Variants in WWC2 observed in about 807,000 individuals in gnomAD.
WWC2 encodes the protein WW and C2 domain containing 2, also known as protein WWC2.
Under a neutral mutation model 138.5 loss-of-function variants are expected in WWC2, and 101 were observed. The observed-to-expected ratio is 0.73, with a 90% CI of 0.62 to 0.86. The LOEUF is 0.86. WWC2 is among the 40% of genes least tolerant of loss of function. The pLI, the probability that WWC2 is intolerant of heterozygous loss-of-function variation, is 0.00. For synonymous variants in WWC2, 558 were observed against 538.4 expected (o/e 1.04, Z -0.50); for missense variants, 1,420 against 1,419.4 (o/e 1.00, Z -0.01).
At chr4:183,268,863 A>G in intron 14 of WWC2, 108 bp from the exon 15 acceptor site, 1 of 1,187,256 alleles carries the variant, frequency 8.4e-7, no homozygotes, top group Non-Finnish European at 1.2e-6. Context: ...TTGATCTTGA[A>G]CTCCACGATC....
At chr4:183,129,988 C>G (rs977980804) in intron 1 of WWC2, among the ~76,000 whole-genome samples, 2 of 151,946 alleles carry the variant, frequency 1.3e-5, no homozygotes, top group Admixed American at 6.6e-5. Flanking sequence ...AGCACCTGCC[C>G]TTGTTTTGCC....
intron 2 of WWC2, among the ~76,000 whole-genome samples, chr4:183,207,089 CA>C (rs1253515162): frequency 6.6e-6 from 1 of 152,128 alleles, no homozygotes; most frequent in Non-Finnish European, 1.5e-5. Context: ...AATGCTGTTG[CA>C]GAACACTGGT....
At chr4:183,199,345 C>T (rs970868787) in intron 2 of WWC2, among the ~76,000 whole-genome samples, 5 of 152,142 alleles carry the variant, frequency 3.3e-5, no homozygotes, top group East Asian at 1.9e-4. Flanking sequence ...TCTTTTCAGC[C>T]AGAAGAAACG....
At chr4:183,216,306 C>T (rs73870367) in intron 4 of WWC2, among the ~76,000 whole-genome samples, 2,896 of 152,258 alleles carry the variant, frequency 0.019, 93 homozygotes, top group African/African-American at 0.067. Flanking sequence ...AGAATTTTAG[C>T]TCCTTCAAGA....
At chr4:183,148,505 G>A (rs1733538169) in intron 1 of WWC2, among the ~76,000 whole-genome samples, 1 of 152,134 alleles carries the variant, frequency 6.6e-6, no homozygotes, top group African/African-American at 2.4e-5. Flanking sequence ...AATTCTATGA[G>A]TATGTTCCCT....
chr4:183,208,819 G>A (rs916192769), intron 3 of WWC2, 130 bp from the exon 4 acceptor site: 3 of 617,736 alleles, frequency 4.9e-6, no homozygotes, highest in Non-Finnish European at 8.5e-6. Context: ...CTGATCAATG[G>A]CAATAAAGGA....
chr4:183,256,726 C>T (rs550058553), intron 9 of WWC2, among the ~76,000 whole-genome samples: 2 of 152,270 alleles, frequency 1.3e-5, no homozygotes, highest in South Asian at 4.1e-4. Context: ...GTCAAAGCTA[C>T]CTGCCGTATT....
Position 183,209,124 on chromosome 4 carries a change from G to A in WWC2, c.522+99G>A. 5.0e-6 allele frequency: 4 copies of A among 802,414 alleles called. No homozygotes were observed. The South Asian group carries it at 5.5e-5, about 11-fold the overall frequency. 49.7% of individuals were successfully genotyped at this position (802,414 alleles called of 1,614,324 possible). A position where few individuals can be genotyped will look rare whatever the true frequency, so the allele number is the denominator to read the frequency against. On this transcript the variant is annotated intron_variant, in intron 4 of 22. Coordinates refer to ENST00000403733, the MANE Select transcript of WWC2 (RefSeq NM_024949.6). ...TGATCAGTTCTCATCTCCATTTGGT[G>A]TAGAAAACTCCTCCCCTTATCTCTG...
intron 4 of WWC2, among the ~76,000 whole-genome samples, chr4:183,209,591 G>A (rs969675299): frequency 5.3e-5 from 8 of 152,116 alleles, no homozygotes; most frequent in Admixed American, 5.2e-4. Flanking sequence ...TTTGAGTCTT[G>A]TAACTTGCTT....
chr4:183,137,038 T>G (rs1396762385), intron 1 of WWC2, among the ~76,000 whole-genome samples: 3 of 152,144 alleles, frequency 2.0e-5, no homozygotes, highest in African/African-American at 2.4e-5. Flanking sequence ...AAAAGTACTG[T>G]TTAGGGCCCT....
At chr4:183,310,832 TA>T (rs34169882) in intron 21 of WWC2, among the ~76,000 whole-genome samples, 99 of 113,428 alleles carry the variant, frequency 8.7e-4, no homozygotes, top group East Asian at 1.5e-3. Context: ...TGGCATATTG[TA>T]AAAAAAAAAA....
chr4:183,272,738 C>T (rs997486211), intron 16 of WWC2, among the ~76,000 whole-genome samples: 3 of 152,198 alleles, frequency 2.0e-5, no homozygotes, highest in Admixed American at 6.5e-5. Context: ...GCATCTTTCA[C>T]TTAGCATAAT....
chr4:183,245,411 C>G lies in WWC2; in HGVS notation c.603-5C>G. 6.5e-7 allele frequency: 1 copy of G among 1,536,012 alleles called. No individual in the cohort carries two copies. The highest frequency in any genetic ancestry group is 8.7e-7 in the Non-Finnish European group (1 of 1,149,564). On this transcript the variant is annotated splice_region_variant and splice_polypyrimidine_tract_variant and intron_variant, in intron 5 of 22. Coordinates refer to ENST00000403733, the MANE Select transcript of WWC2 (RefSeq NM_024949.6). ...TATTTTTTCTTTCTTTTTCTCTTTT[C>G]ACAGAATTGATAAAAAAATGTCTGG...
chr4:183,266,990 G>T (rs1358974152), intron 14 of WWC2, among the ~76,000 whole-genome samples: 2 of 151,774 alleles, frequency 1.3e-5, no homozygotes, highest in East Asian at 1.9e-4. Flanking sequence ...GAACTAGATA[G>T]AAATTATGTA....
chr4:183,244,840 A>G (rs1050774789), intron 5 of WWC2, among the ~76,000 whole-genome samples: 2 of 152,038 alleles, frequency 1.3e-5, no homozygotes, highest in Non-Finnish European at 2.9e-5. Context: ...TCAGCACTTG[A>G]TAAGGTTTGG....
At chr4:183,226,049 G>A (rs943244996) in intron 4 of WWC2, among the ~76,000 whole-genome samples, 5 of 150,664 alleles carry the variant, frequency 3.3e-5, no homozygotes, top group Admixed American at 6.6e-5. Flanking sequence ...ACAAAAAGCC[G>A]AAAAATGCAG....
chr4:183,241,241 C>T (rs1042084003), intron 5 of WWC2, among the ~76,000 whole-genome samples: 2 of 152,230 alleles, frequency 1.3e-5, no homozygotes, highest in Admixed American at 6.5e-5. Context: ...GTCTCAGGCG[C>T]CACCTCTGTG....
chr4:183,272,159 G>A (rs989561943), intron 16 of WWC2, among the ~76,000 whole-genome samples: 1 of 152,168 alleles, frequency 6.6e-6, no homozygotes, highest in Non-Finnish European at 1.5e-5. Flanking sequence ...TATGAGGAAG[G>A]CATTTCCTAA....
At chr4:183,136,069 G>A (rs372564801) in intron 1 of WWC2, among the ~76,000 whole-genome samples, 33 of 151,928 alleles carry the variant, frequency 2.2e-4, no homozygotes, top group African/African-American at 7.2e-4. Context: ...TCTCTTTGAT[G>A]TGTGTAGGTA....
Sources: gnomAD v4.1 joint callset for allele counts (sites outside exome capture counted in the v4.1 genomes callset) on GRCh38, gnomAD v4.1.1 for gene constraint, MANE v1.5 for transcripts, NCBI Gene and HGNC (gene_info 2026-07-23, HGNC 2026-07-21) for gene names.